TEX36: variants seen among roughly 807,000 people sequenced by gnomAD.
The protein encoded by TEX36 is testis expressed 36.
Under a neutral mutation model 13.6 loss-of-function variants are expected in TEX36, and 12 were observed. The ratio of observed to expected loss-of-function variants is 0.88; its 90% confidence interval spans 0.56 to 1.43. TEX36 has a LOEUF of 1.43. Among genes scored for constraint, TEX36 ranks in the 40% most tolerant of loss-of-function variants. The pLI, the probability that TEX36 is intolerant of heterozygous loss-of-function variation, is 0.00. For missense variants in TEX36, 224 were observed against 228.3 expected (o/e 0.98, Z 0.12); for synonymous variants, 93 against 83.0 (o/e 1.12, Z -0.65).
At chr10:125,614,438 C>A (rs1846331378) in intron 3 of TEX36, among the ~76,000 whole-genome samples, 1 of 151,304 alleles carries the variant, frequency 6.6e-6, no homozygotes, top group Admixed American at 6.6e-5. Flanking sequence ...GTCTTTAATC[C>A]ATCTTGAATT....
intron 3 of TEX36, chr10:125,640,079 T>C (rs891166884): frequency 2.5e-6 from 2 of 802,700 alleles, no homozygotes; most frequent in African/African-American, 1.9e-5. Context: ...TCAGTAGCTA[T>C]ATGGAACGTG....
chr10:125,671,019 G>A (rs1015477688), intron 1 of TEX36, among the ~76,000 whole-genome samples: 5 of 151,964 alleles, frequency 3.3e-5, no homozygotes, highest in Admixed American at 3.3e-4. Flanking sequence ...GTAGCATGAT[G>A]CCTCCAGTTT....
At chr10:125,678,994 G>T (rs1264194149) in intron 1 of TEX36, among the ~76,000 whole-genome samples, 1 of 152,096 alleles carries the variant, frequency 6.6e-6, no homozygotes, top group Admixed American at 6.5e-5. Flanking sequence ...TGGAGGGAGG[G>T]GTTGTCTTTG....
At chr10:125,629,756 C>T (rs1331049967) in intron 3 of TEX36, among the ~76,000 whole-genome samples, 2 of 151,864 alleles carry the variant, frequency 1.3e-5, no homozygotes, top group African/African-American at 2.4e-5. Context: ...TCTTCAAAAC[C>T]GAAGTCTATC....
intron 3 of TEX36, among the ~76,000 whole-genome samples, chr10:125,625,763 G>A (rs759437463): frequency 5.9e-5 from 9 of 152,260 alleles, no homozygotes; most frequent in Non-Finnish European, 1.2e-4. Context: ...GGACTCTTCA[G>A]TCTTGGCACC....
chr10:125,605,161 G>C (rs764553277), intron 3 of TEX36, among the ~76,000 whole-genome samples: 1 of 152,194 alleles, frequency 6.6e-6, no homozygotes, highest in Admixed American at 6.5e-5. Flanking sequence ...GGCACAGCAC[G>C]CAGGGCAGCT....
chr10:125,642,727 T>C (rs985310737), intron 3 of TEX36, among the ~76,000 whole-genome samples: 2 of 152,264 alleles, frequency 1.3e-5, no homozygotes, highest in South Asian at 2.1e-4. Flanking sequence ...TTGGGTTTGG[T>C]GGTAATATGT....
chr10:125,626,620 T>C (rs138249664), intron 3 of TEX36, among the ~76,000 whole-genome samples: 1,992 of 152,132 alleles, frequency 0.013, 26 homozygotes, highest in Non-Finnish European at 0.017. Context: ...CAGAGAATTC[T>C]CCCAGGCATT....
intron 3 of TEX36, among the ~76,000 whole-genome samples, chr10:125,637,646 C>A (rs1846637843): frequency 1.3e-5 from 2 of 152,088 alleles, no homozygotes; most frequent in South Asian, 4.1e-4. Context: ...ACCCTAGAAT[C>A]ACTTAGGGAG....
chr10:125,632,658 A>G (rs1289623099), intron 3 of TEX36, among the ~76,000 whole-genome samples: 4 of 152,198 alleles, frequency 2.6e-5, no homozygotes, highest in African/African-American at 4.8e-5. Flanking sequence ...CAGCTGGTGT[A>G]TCTGTCACCA....
At chr10:125,632,397 C>T (rs971758648) in intron 3 of TEX36, among the ~76,000 whole-genome samples, 27 of 152,302 alleles carry the variant, frequency 1.8e-4, no homozygotes, top group Non-Finnish European at 3.7e-4. Flanking sequence ...AGGGAAGAGA[C>T]TCTCCTTCTT....
At chr10:125,584,032 A>C (rs1433277) in intron 3 of TEX36, among the ~76,000 whole-genome samples, 96,951 of 152,060 alleles carry the variant, frequency 0.64, 32,086 homozygotes, top group East Asian at 0.83. Context: ...CCTCAGAGAC[A>C]TCAAATCTTC....
At chr10:125,583,896 A>C (rs1211045735) in intron 3 of TEX36, among the ~76,000 whole-genome samples, 2 of 152,182 alleles carry the variant, frequency 1.3e-5, no homozygotes, top group Middle Eastern at 3.4e-3. Context: ...CTGTGACTTT[A>C]CCGCTTCTCC....
At chr10:125,624,747 C>A (rs1271017080) in intron 3 of TEX36, among the ~76,000 whole-genome samples, 1 of 151,222 alleles carries the variant, frequency 6.6e-6, no homozygotes, top group Non-Finnish European at 1.5e-5. Context: ...GGAGTGTTGT[C>A]CAGCGCACTT....
intron 3 of TEX36, among the ~76,000 whole-genome samples, chr10:125,626,013 C>G (rs1003837127): frequency 9.2e-5 from 14 of 152,188 alleles, no homozygotes; most frequent in African/African-American, 3.1e-4. Context: ...CTTCAGGGAC[C>G]ACGGCTGCAG....
intron 3 of TEX36, among the ~76,000 whole-genome samples, chr10:125,644,382 CAG>C (rs1189328487): frequency 2.6e-5 from 4 of 151,604 alleles, no homozygotes; most frequent in Non-Finnish European, 5.9e-5. Flanking sequence ...AGAAAATAAT[CAG>C]AGATATAATT....
chr10:125,657,328 G>A (rs143920929), intron 3 of TEX36, among the ~76,000 whole-genome samples: 1,572 of 152,228 alleles, frequency 0.01, 11 homozygotes, highest in Middle Eastern at 0.034. Flanking sequence ...GCTGTGCAAT[G>A]GCTCCAGGAC....
chr10:125,588,901 C>T (rs1845990227), intron 3 of TEX36, among the ~76,000 whole-genome samples: 1 of 152,194 alleles, frequency 6.6e-6, no homozygotes, highest in South Asian at 2.1e-4. Context: ...CAGGCGTGAG[C>T]CACGGCACCC....
chr10:125,644,395 GA>G (rs902546694), intron 3 of TEX36, among the ~76,000 whole-genome samples: 3 of 151,024 alleles, frequency 2.0e-5, no homozygotes, highest in Admixed American at 6.6e-5. Context: ...AGATATAATT[GA>G]AAAAAAATTC....
Sources: allele counts gnomAD v4.1 joint callset (sites outside exome capture counted in the v4.1 genomes callset), GRCh38; gene constraint gnomAD v4.1.1; transcripts MANE v1.5; gene names NCBI Gene and HGNC (gene_info 2026-07-23, HGNC 2026-07-21).